EPN2: variants seen among roughly 807,000 people sequenced by gnomAD.
EPN2 encodes epsin-2.
EPN2 carries 34 observed loss-of-function variants against 61.7 expected under a neutral mutation model. That is an observed-to-expected ratio of 0.55 (90% confidence interval 0.42 to 0.73). The LOEUF is 0.73. EPN2 is among the 30% of genes least tolerant of loss of function. The pLI, the probability that EPN2 is intolerant of heterozygous loss-of-function variation, is 0.00. For missense variants in EPN2, 714 were observed against 839.2 expected (o/e 0.85, Z 1.84); for synonymous variants, 349 against 353.6 (o/e 0.99, Z 0.15).
intron 9 of EPN2, chr17:19,330,503 T>G (rs1360884568): frequency 6.6e-6 from 1 of 152,280 alleles, no homozygotes; most frequent in Non-Finnish European, 1.5e-5. Context: ...CTCTAACCCC[T>G]CTCAGTTCAA....
In EPN2 at chr17:19,283,751, C is replaced by T; in HGVS notation, c.595+37C>T. 1 of 1,457,648 alleles carries T rather than the reference C, an allele frequency of 6.9e-7. No individual in the cohort carries two copies. The highest frequency in any genetic ancestry group is 9.2e-7 in the Non-Finnish European group (1 of 1,086,086). The allele number at this position is 1,457,648 out of a possible 1,614,324, so 90.3% of individuals were successfully genotyped here. The stretch of plus-strand genomic sequence containing the variant: ...AAGTGCTTCTCACCCTTTGCCAGAG[C>T]AGCAGCAATGGGTGACAGGCAGGGT... On this transcript the variant is annotated intron_variant, in intron 3 of 10. Coordinates refer to ENST00000314728, the MANE Select transcript of EPN2 (RefSeq NM_014964.5). This position sits in a 1 kb window ranked among gnomAD's most constrained non-coding sequence, Gnocchi z 7.0.
intron 1 of EPN2, among the ~76,000 whole-genome samples, chr17:19,267,923 C>G (rs1387563439): frequency 6.6e-6 from 1 of 152,174 alleles, no homozygotes; most frequent in African/African-American, 2.4e-5. Context: ...AAGTGTTAGT[C>G]ATTGTTACTA....
chr17:19,335,300 A>C lies in EPN2; in HGVS notation c.*1046A>C, dbSNP rs1243457842. On this transcript the variant is annotated 3_prime_UTR_variant, in exon 11 of 11. Coordinates refer to ENST00000314728, the MANE Select transcript of EPN2 (RefSeq NM_014964.5). ...CTTTTTGGCTAGATCCTGAGAGGCT[A>C]TTTTTCTTACGAATATACCAACATC... is the stretch of plus-strand genomic sequence containing the variant. 3 of 1,187,198 alleles carry C rather than the reference A, an allele frequency of 2.5e-6. No individual in the cohort carries two copies. Among genetic ancestry groups the C allele is most frequent in the Non-Finnish European group, 2.3e-6 (2 of 855,106 alleles). The allele number at this position is 1,187,198 out of a possible 1,614,324, so 73.5% of individuals were successfully genotyped here.
chr17:19,262,911 G>C (rs1037279231), intron 1 of EPN2, among the ~76,000 whole-genome samples: 2 of 152,196 alleles, frequency 1.3e-5, no homozygotes, highest in African/African-American at 4.8e-5. Flanking sequence ...TGGTAGAATG[G>C]GCCAGAACTT....
intron 4 of EPN2, among the ~76,000 whole-genome samples, chr17:19,288,853 C>T (rs755328544): frequency 5.3e-5 from 8 of 152,114 alleles, no homozygotes; most frequent in Non-Finnish European, 1.0e-4. Context: ...CTCAGTGGCC[C>T]GGTGCTGGGC....
intron 4 of EPN2, among the ~76,000 whole-genome samples, chr17:19,293,754 C>T (rs879882038): frequency 4.6e-5 from 7 of 151,902 alleles, no homozygotes; most frequent in Non-Finnish European, 1.0e-4. Context: ...TAAGGAGCTC[C>T]TCTGATTGTC....
At chr17:19,292,797 C>T (rs1037790472) in intron 4 of EPN2, among the ~76,000 whole-genome samples, 13 of 152,210 alleles carry the variant, frequency 8.5e-5, no homozygotes, top group African/African-American at 2.7e-4. Context: ...TAGGAGGAGT[C>T]CATTTGCTTC....
At chr17:19,314,066 T>G (rs1351539515) in intron 7 of EPN2, among the ~76,000 whole-genome samples, 1 of 152,204 alleles carries the variant, frequency 6.6e-6, no homozygotes, top group Non-Finnish European at 1.5e-5. Context: ...TCTGTTTCTC[T>G]CAGAACCGTC....
intron 1 of EPN2, among the ~76,000 whole-genome samples, chr17:19,267,466 T>C (rs1218241491): frequency 6.6e-6 from 1 of 151,814 alleles, no homozygotes; most frequent in Non-Finnish European, 1.5e-5. Context: ...ACTTCGTATA[T>C]GTTACTTAAA....
At chr17:19,317,080 A>C (rs1906418868) in intron 7 of EPN2, among the ~76,000 whole-genome samples, 1 of 152,200 alleles carries the variant, frequency 6.6e-6, no homozygotes, top group African/African-American at 2.4e-5. Context: ...CTCATTCATA[A>C]ATTAGAAAGA....
chr17:19,282,395 A>T (rs2045366955), intron 2 of EPN2: 1 of 152,224 alleles, frequency 6.6e-6, no homozygotes, highest in Admixed American at 6.5e-5. Context: ...TTTTGAAGGT[A>T]TTGACAGGCA....
intron 7 of EPN2, among the ~76,000 whole-genome samples, chr17:19,317,235 G>A (rs1280306710): frequency 1.3e-5 from 2 of 152,212 alleles, no homozygotes; most frequent in East Asian, 3.9e-4. Context: ...GGCCTTGGGA[G>A]GAAATGCTCA....
chr17:19,296,105 G>A (rs1452090524), intron 4 of EPN2, among the ~76,000 whole-genome samples: 3 of 151,946 alleles, frequency 2.0e-5, no homozygotes, highest in Non-Finnish European at 2.9e-5. Context: ...TCCACTCTGC[G>A]ACCTGCTTCT....
chr17:19,292,596 C>T (rs890341602), intron 4 of EPN2, among the ~76,000 whole-genome samples: 2 of 152,234 alleles, frequency 1.3e-5, no homozygotes, highest in Non-Finnish European at 2.9e-5. Context: ...AACACACCCT[C>T]AGAGGCAGCA....
chr17:19,253,573 G>T (rs958634020), intron 1 of EPN2, among the ~76,000 whole-genome samples: 1 of 151,436 alleles, frequency 6.6e-6, no homozygotes, highest in African/African-American at 2.4e-5. Context: ...GCTAATTGTT[G>T]TATTTTTTGT....
rs180963665 is a variant in EPN2 at position 19,285,355 on chromosome 17, C to T, written c.596-265C>T. Among the ~76,000 whole-genome samples, 80 of 152,346 alleles carry T rather than the reference C, an allele frequency of 5.3e-4. No homozygotes were observed. The highest frequency in any genetic ancestry group is 1.7e-3 in the African/African-American group (69 of 41,580). On this transcript the variant is annotated intron_variant, in intron 3 of 10. Transcript: ENST00000314728. This position sits in a 1 kb window ranked among gnomAD's most constrained non-coding sequence, Gnocchi z 4.5. ...TTTGATCCACCCCTCCTCCTCATACCGAGTCCAGGGCCTGTAGCCATAGGT... is the reference window on the plus strand; with the variant it reads ...TTTGATCCACCCCTCCTCCTCATACTGAGTCCAGGGCCTGTAGCCATAGGT...
At chr17:19,306,437 T>C (rs1369396459) in intron 4 of EPN2, among the ~76,000 whole-genome samples, 3 of 152,264 alleles carry the variant, frequency 2.0e-5, no homozygotes, top group Non-Finnish European at 4.4e-5. Context: ...AACTGAAAGC[T>C]GTACATCCGT....
intron 1 of EPN2, chr17:19,271,868 G>T (rs140943360): frequency 2.0e-5 from 3 of 152,462 alleles, no homozygotes; most frequent in Middle Eastern, 3.4e-3. Context: ...TACTGTGCCC[G>T]AAACCCAAAG....
chr17:19,326,769 AC>A (rs1016505840), intron 7 of EPN2, among the ~76,000 whole-genome samples: 10 of 151,600 alleles, frequency 6.6e-5, no homozygotes, highest in African/African-American at 2.4e-4. Flanking sequence ...GACTTGACTT[AC>A]GACAGAGGAG....
Sources: gnomAD v4.1 joint callset for allele counts (sites outside exome capture counted in the v4.1 genomes callset) on GRCh38, gnomAD v4.1.1 for gene constraint, Gnocchi (gnomAD v3.1) non-coding constraint, MANE v1.5 for transcripts, NCBI Gene and HGNC (gene_info 2026-07-23, HGNC 2026-07-21) for gene names.